The following ATG2B variants were observed in gnomAD, a reference collection of about 807,000 sequenced individuals.
ATG2B encodes the protein autophagy related 2B, also known as autophagy-related protein 2 homolog B.
A neutral mutation model predicts 241.3 loss-of-function variants in ATG2B; 121 were observed. The observed-to-expected ratio is 0.50, with a 90% CI of 0.43 to 0.58. The LOEUF (loss-of-function observed/expected upper bound fraction) is 0.58. Ranked by LOEUF, ATG2B falls within the 20% of genes least tolerant of loss-of-function variation. The pLI, the probability that ATG2B is intolerant of heterozygous loss-of-function variation, is 0.00. For synonymous variants in ATG2B, 858 were observed against 876.6 expected, an observed-to-expected ratio of 0.98 and a Z score of 0.37; for missense variants, 2,306 against 2,491.6, an observed-to-expected ratio of 0.93 and a Z score of 1.59.
chr14:96,314,397 G>T (rs747174879), intron 23 of ATG2B, among the ~76,000 whole-genome samples: 10 of 152,164 alleles, frequency 6.6e-5, no homozygotes, highest in Non-Finnish European at 1.5e-4. Context: ...TGTTGAACTG[G>T]AAATTAATGA....
intron 22 of ATG2B, 39 bp from the exon 23 acceptor site, chr14:96,315,273 T>C (rs375401254): frequency 6.9e-6 from 11 of 1,591,236 alleles, no homozygotes; most frequent in South Asian, 3.3e-5. Context: ...TTACCACCTA[T>C]GTAATCCTAT....
chr14:96,344,436 C>T (rs1888120436), intron 4 of ATG2B, among the ~76,000 whole-genome samples: 1 of 152,124 alleles, frequency 6.6e-6, no homozygotes, highest in Non-Finnish European at 1.5e-5. Context: ...GCTTTAAATT[C>T]AACATGGTAT....
intron 38 of ATG2B, 69 bp from the exon 39 acceptor site, chr14:96,291,004 T>G (rs898764820): frequency 1.5e-6 from 2 of 1,360,892 alleles, no homozygotes; most frequent in African/African-American, 3.0e-5. Flanking sequence ...GTTTGAGGGT[T>G]TTTTTTTACT....
intron 34 of ATG2B, among the ~76,000 whole-genome samples, chr14:96,296,744 G>C (rs1023086445): frequency 6.7e-6 from 1 of 149,490 alleles, no homozygotes; most frequent in Non-Finnish European, 1.5e-5. Flanking sequence ...CCAGGCGACA[G>C]TGCGAGACAC....
At chr14:96,294,177 C>T (rs985921246) in intron 36 of ATG2B, among the ~76,000 whole-genome samples, 1 of 152,154 alleles carries the variant, frequency 6.6e-6, no homozygotes, top group African/African-American at 2.4e-5. Context: ...TGGCCCATGC[C>T]TAAAGTCTAA....
At chr14:96,333,655 A>G (rs1887797240) in intron 8 of ATG2B, 33 bp downstream of exon 8, 2 of 1,584,464 alleles carry the variant, frequency 1.3e-6, no homozygotes, top group South Asian at 2.3e-5. Flanking sequence ...ATTATAATAT[A>G]TGATTCTGGT....
chr14:96,315,942 T>C (rs749173985), intron 21 of ATG2B, among the ~76,000 whole-genome samples: 5 of 152,184 alleles, frequency 3.3e-5, no homozygotes, highest in African/African-American at 4.8e-5. Flanking sequence ...AAAGAACATA[T>C]AGTCCCATCG....
intron 1 of ATG2B, among the ~76,000 whole-genome samples, chr14:96,362,409 C>A (rs1325250596): frequency 5.3e-5 from 8 of 152,156 alleles, no homozygotes. Context: ...ATTCTGACAT[C>A]CAAAGGTCCT....
intron 34 of ATG2B, among the ~76,000 whole-genome samples, chr14:96,300,561 G>A (rs1037255620): frequency 3.3e-5 from 5 of 152,062 alleles, no homozygotes; most frequent in East Asian, 1.9e-4. Flanking sequence ...GCTAAGTTTC[G>A]TAAAGTCATG....
Position 96,289,764 on chromosome 14 carries a change from G to T in ATG2B, c.5898C>A (p.Thr1966=). The change falls in exon 41 of 42, where the codon ACC becomes ACA. Residue 1966 remains threonine (T), a synonymous_variant. Transcript: ENST00000359933. The surrounding 1 kb of genome is among the most constrained non-coding windows in gnomAD (Gnocchi z 4.3). ...TGGTCTTCTTGGGCTCGATAGAAAG[G>T]GTACCAGGAGACACCATATCATAAG... ...ETAYDMVSPG[T]LSIEPKKTKR... 1 of 1,614,092 alleles carries T rather than the reference G, an allele frequency of 6.2e-7. No homozygotes were observed. Among genetic ancestry groups the T allele is most frequent in the Non-Finnish European group, 8.5e-7 (1 of 1,179,998 alleles).
intron 10 of ATG2B, 32 bp from the exon 11 acceptor site, chr14:96,331,669 A>T: frequency 6.8e-7 from 1 of 1,478,246 alleles, no homozygotes; most frequent in Non-Finnish European, 9.1e-7. Context: ...TATATACATA[A>T]AATTTGACAC....
chr14:96,348,037 T>C (rs1429976887), intron 1 of ATG2B, among the ~76,000 whole-genome samples: 2 of 152,220 alleles, frequency 1.3e-5, no homozygotes, highest in African/African-American at 4.8e-5. Flanking sequence ...CACGCTCCCA[T>C]GTTTACTGCA....
intron 1 of ATG2B, among the ~76,000 whole-genome samples, chr14:96,358,606 A>T (rs1234888748): frequency 1.3e-5 from 2 of 152,160 alleles, no homozygotes; most frequent in Non-Finnish European, 2.9e-5. Flanking sequence ...AATCCCATAT[A>T]TCTTGTAGCA....
chr14:96,296,187 A>C (rs977093865), intron 34 of ATG2B, among the ~76,000 whole-genome samples: 1 of 152,240 alleles, frequency 6.6e-6, no homozygotes, highest in Non-Finnish European at 1.5e-5. Context: ...TCAAAGTTCC[A>C]AATGACTTAA....
chr14:96,348,187 C>T (rs1888219647), intron 1 of ATG2B, among the ~76,000 whole-genome samples: 1 of 152,136 alleles, frequency 6.6e-6, no homozygotes. Context: ...TTTGCAACAA[C>T]ATGAATGGAA....
rs1369457823 is a variant in ATG2B, at chr14:96,290,946, T to C, written c.5580-11A>G. 2.5e-6 allele frequency: 4 copies of C among 1,602,438 alleles called. No homozygotes were observed. The Admixed American group carries it at 5.2e-5, about 21-fold the overall frequency. Reference sequence around the variant, plus strand: ...TCAACGCCTAGTAAACTAGAGCAAATGATTATTAGTATGTCAAAAGGAGAA... The same window carrying C: ...TCAACGCCTAGTAAACTAGAGCAAACGATTATTAGTATGTCAAAAGGAGAA... On this transcript the variant is annotated splice_polypyrimidine_tract_variant and intron_variant, in intron 38 of 41. Coordinates refer to ENST00000359933, the MANE Select transcript of ATG2B (RefSeq NM_018036.7). This position sits in a 1 kb window ranked among gnomAD's most constrained non-coding sequence, Gnocchi z 4.4.
At chr14:96,298,439 CA>C (rs1886706494) in intron 34 of ATG2B, among the ~76,000 whole-genome samples, 1 of 152,152 alleles carries the variant, frequency 6.6e-6, no homozygotes, top group Admixed American at 6.5e-5. Context: ...TTTATTCAAC[CA>C]AGAGAAGTGA....
In ATG2B at chr14:96,280,856, T is replaced by C. The variant is rs1165944857; in HGVS notation, c.*4899A>G. The C allele has an allele frequency of 6.6e-6, 1 of 152,238 alleles. No homozygotes were observed. 9.4% of individuals were successfully genotyped at this position (152,238 alleles called of 1,614,324 possible). On this transcript the variant is annotated 3_prime_UTR_variant, in exon 42 of 42. Transcript: ENST00000359933. ...AAGATTGCTCCATTGTACTCCAGCC[T>C]GGGCAACAAGAGCAAAGCTCCGTCT... is the stretch of plus-strand genomic sequence containing the variant.
chr14:96,330,350 A>C (rs943646797), intron 11 of ATG2B, among the ~76,000 whole-genome samples: 22 of 152,364 alleles, frequency 1.4e-4, no homozygotes, highest in African/African-American at 5.0e-4. Context: ...GATTAAATAA[A>C]CGCCCAAAGT....
Sources: allele counts gnomAD v4.1 joint callset (sites outside exome capture counted in the v4.1 genomes callset), GRCh38; gene constraint gnomAD v4.1.1; non-coding constraint Gnocchi (gnomAD v3.1); transcripts MANE v1.5; gene names NCBI Gene and HGNC (gene_info 2026-07-23, HGNC 2026-07-21).